Variants in GBF1 observed in about 807,000 individuals in gnomAD.
GBF1 encodes the protein golgi brefeldin A resistant guanine nucleotide exchange factor 1.
Under a neutral mutation model 210.5 loss-of-function variants are expected in GBF1, and 114 were observed. The ratio of observed to expected loss-of-function variants is 0.54; its 90% CI spans 0.47 to 0.63. The LOEUF (loss-of-function observed/expected upper bound fraction) is 0.63. Among genes scored for constraint, GBF1 ranks in the 30% least tolerant of loss-of-function variants. The pLI is 0.00. For synonymous variants in GBF1, 850 were observed against 889.2 expected (o/e 0.96, Z 0.78); for missense variants, 1,851 against 2,357.7 (o/e 0.79, Z 4.45).
At chr10:102,296,435 A>G (rs2076911234) in intron 3 of GBF1, among the ~76,000 whole-genome samples, 1 of 152,196 alleles carries the variant, frequency 6.6e-6, no homozygotes, top group Admixed American at 6.5e-5. Flanking sequence ...AAGGATAGTT[A>G]TATTTCTTTG....
intron 18 of GBF1, 42 bp downstream of exon 18, chr10:102,365,641 T>G (rs1177992527): frequency 3.3e-6 from 5 of 1,527,412 alleles, no homozygotes; most frequent in African/African-American, 1.4e-5. Context: ...CCAGGTATGG[T>G]GGCTCATGCC....
chr10:102,317,533 C>T (rs1448549306), intron 3 of GBF1, among the ~76,000 whole-genome samples: 1 of 152,106 alleles, frequency 6.6e-6, no homozygotes, highest in Non-Finnish European at 1.5e-5. Context: ...GCAGGAGAAT[C>T]GCTTGAACCC....
At chr10:102,245,385 C>G (rs1017959661), upstream of GBF1, 1 of 152,152 alleles carries the variant, frequency 6.6e-6, no homozygotes, top group African/African-American at 2.4e-5. Context: ...CTTGTAATCG[C>G]GCTTCTTTAG....
intron 3 of GBF1, among the ~76,000 whole-genome samples, chr10:102,289,281 C>G (rs1443954858): frequency 1.3e-5 from 2 of 152,178 alleles, no homozygotes; most frequent in African/African-American, 2.4e-5. Context: ...TGATGTCTTT[C>G]CCTCCTTGGT....
intron 3 of GBF1, among the ~76,000 whole-genome samples, chr10:102,280,512 C>T (rs1157086784): frequency 6.6e-6 from 1 of 152,136 alleles, no homozygotes; most frequent in Middle Eastern, 3.2e-3. Flanking sequence ...TTTTGGCTTG[C>T]TAGCATTAAC....
chr10:102,277,473 G>A (rs1257233622), intron 3 of GBF1, among the ~76,000 whole-genome samples: 2 of 151,120 alleles, frequency 1.3e-5, no homozygotes, highest in Non-Finnish European at 2.9e-5. Flanking sequence ...CGCCTCCCGG[G>A]TTCAACCGAT....
intron 3 of GBF1, among the ~76,000 whole-genome samples, chr10:102,340,423 G>A (rs1397705190): frequency 2.0e-5 from 3 of 151,906 alleles, no homozygotes; most frequent in East Asian, 1.9e-4. Context: ...ACAGGCTCCC[G>A]CCACCACGCC....
intron 3 of GBF1, among the ~76,000 whole-genome samples, chr10:102,275,852 G>A (rs1432412361): frequency 1.3e-5 from 2 of 152,198 alleles, no homozygotes; most frequent in African/African-American, 4.8e-5. Flanking sequence ...AAGGAAAATG[G>A]ACTTCGGTTC....
At chr10:102,367,348 G>C (rs1029570334) in intron 20 of GBF1, 130 bp from the exon 21 acceptor site, 3 of 1,160,978 alleles carry the variant, frequency 2.6e-6, no homozygotes, top group Non-Finnish European at 3.9e-6. Context: ...ACCTAGAAAA[G>C]GGACTGGGGT....
chr10:102,247,004 A>G (rs538061702), intron 1 of GBF1, among the ~76,000 whole-genome samples: 105 of 152,340 alleles, frequency 6.9e-4, no homozygotes, highest in African/African-American at 2.3e-3. Flanking sequence ...ACCTTTTGGT[A>G]TGTAGTGGGC....
chr10:102,319,176 CG>C (rs2064987913), intron 3 of GBF1, among the ~76,000 whole-genome samples: 1 of 152,066 alleles, frequency 6.6e-6, no homozygotes, highest in Non-Finnish European at 1.5e-5. Context: ...CAAAATTAGC[CG>C]GGCGTGGTGG....
upstream of GBF1, among the ~76,000 whole-genome samples, chr10:102,241,653 C>T (rs1353903075): frequency 2.6e-5 from 4 of 152,368 alleles, no homozygotes; most frequent in Middle Eastern, 3.4e-3. The surrounding 1 kb of genome is among the most constrained non-coding windows in gnomAD (Gnocchi z 6.7). Context: ...CTCCAGGCCC[C>T]GCCTTTGAGG....
intron 3 of GBF1, among the ~76,000 whole-genome samples, chr10:102,318,599 C>G (rs927848025): frequency 1.3e-5 from 2 of 152,050 alleles, no homozygotes; most frequent in African/African-American, 4.8e-5. Flanking sequence ...TAAATTCCTT[C>G]TATTATTTTT....
intron 3 of GBF1, among the ~76,000 whole-genome samples, chr10:102,274,704 T>TA: frequency 1.2e-5 from 1 of 81,914 alleles, no homozygotes; most frequent in East Asian, 3.1e-4. Context: ...CAAAGATTTT[T>TA]TTTTTTTTTT....
chr10:102,337,487 A>G (rs1341455922), intron 3 of GBF1, among the ~76,000 whole-genome samples: 1 of 152,160 alleles, frequency 6.6e-6, no homozygotes, highest in Non-Finnish European at 1.5e-5. Context: ...ACATCTCACC[A>G]GGATTATAAA....
chr10:102,308,881 TA>T (rs2078167721), intron 3 of GBF1, among the ~76,000 whole-genome samples: 1 of 149,654 alleles, frequency 6.7e-6, no homozygotes, highest in East Asian at 1.9e-4. Flanking sequence ...ATAATAATAA[TA>T]AAATTAAAAA....
At chr10:102,251,588 C>CTT (rs1329256193) in intron 1 of GBF1, among the ~76,000 whole-genome samples, 1 of 152,146 alleles carries the variant, frequency 6.6e-6, no homozygotes, top group Non-Finnish European at 1.5e-5. Context: ...GAGTCTCACT[C>CTT]TGTCACCCAG....
At chr10:102,266,838 G>C (rs1324358836) in intron 3 of GBF1, among the ~76,000 whole-genome samples, 1 of 152,180 alleles carries the variant, frequency 6.6e-6, no homozygotes, top group African/African-American at 2.4e-5. Flanking sequence ...GAGTTTAAGA[G>C]GGAGAAGCAC....
upstream of GBF1, among the ~76,000 whole-genome samples, chr10:102,241,718 G>A (rs1232874786): frequency 6.6e-6 from 1 of 152,222 alleles, no homozygotes; most frequent in Non-Finnish European, 1.5e-5. This position sits in a 1 kb window ranked among gnomAD's most constrained non-coding sequence, Gnocchi z 6.7. Context: ...AATCAGAAGC[G>A]CTCTTCAGCA....
Sources: gnomAD v4.1 joint callset for allele counts (sites outside exome capture counted in the v4.1 genomes callset) on GRCh38, gnomAD v4.1.1 for gene constraint, Gnocchi (gnomAD v3.1) non-coding constraint, MANE v1.5 for transcripts, NCBI Gene and HGNC (gene_info 2026-07-23, HGNC 2026-07-21) for gene names.